Variants in KLHL29 observed in about 807,000 individuals in gnomAD.
KLHL29 encodes the protein kelch like family member 29.
Under a neutral mutation model 80.4 loss-of-function variants are expected in KLHL29, and 21 were observed. That is an observed-to-expected ratio of 0.26 (90% CI 0.19 to 0.38). KLHL29 has a LOEUF of 0.38. KLHL29 is among the 10% of genes least tolerant of loss of function. KLHL29 has a pLI of 1.00. For missense variants in KLHL29, 867 were observed against 1,223.9 expected (o/e 0.71, Z 4.35); for synonymous variants, 511 against 526.8 (o/e 0.97, Z 0.41).
At chr2:23,455,092 A>T (rs192829537) in intron 1 of KLHL29, among the ~76,000 whole-genome samples, 1 of 152,068 alleles carries the variant, frequency 6.6e-6, no homozygotes, top group East Asian at 1.9e-4. Flanking sequence ...ATTAAATAAG[A>T]TCACCCTTTG....
chr2:23,631,917 G>A (rs945949553), intron 3 of KLHL29, among the ~76,000 whole-genome samples: 20 of 151,898 alleles, frequency 1.3e-4, no homozygotes, highest in Non-Finnish European at 2.5e-4. Flanking sequence ...CAGTCCCCAC[G>A]CACAGGCCCA....
intron 1 of KLHL29, among the ~76,000 whole-genome samples, chr2:23,387,009 G>A (rs1435562284): frequency 6.6e-6 from 1 of 152,178 alleles, no homozygotes; most frequent in East Asian, 1.9e-4. Flanking sequence ...CCTCGCGCGG[G>A]CCCCCAGAGA....
intron 8 of KLHL29, among the ~76,000 whole-genome samples, chr2:23,694,883 A>G (rs1012856028): frequency 2.0e-5 from 3 of 152,090 alleles, no homozygotes; most frequent in East Asian, 1.9e-4. Context: ...TGAATTTTTC[A>G]TAGCAGATCC....
Position 23,706,583 on chromosome 2 carries a change from A to G in KLHL29, c.2547A>G (p.Thr849=), listed in dbSNP as rs1298238235. Residue 849 remains threonine, a synonymous_variant, in exon 14 of 14, where the codon ACA becomes ACG. Transcript: ENST00000486442. ...NMEAYEPTTN[T]WTLLPHMPCP... is the part of the protein sequence containing the mutation. ...AGGCCTACGAGCCCACAACCAACACATGGACCCTCCTCCCCCACATGCCCT... is the reference window on the plus strand; with the variant it reads ...AGGCCTACGAGCCCACAACCAACACGTGGACCCTCCTCCCCCACATGCCCT... The G allele has an allele frequency of 1.3e-6, 2 of 1,537,150 alleles. No homozygotes were observed. Among genetic ancestry groups the G allele is most frequent in the Non-Finnish European group, 8.7e-7 (1 of 1,146,838 alleles).
rs1164075132 is a variant in KLHL29, at chr2:23,461,975, C to CTTTTTTTTTTTTTTTT, written c.-153-13585_-153-13584insTTTTTTTTTTTTTTTT. Among the ~76,000 whole-genome samples the CTTTTTTTTTTTTTTTT allele has an allele frequency of 7.5e-5, 6 of 79,542 alleles. 2 individuals are homozygous for CTTTTTTTTTTTTTTTT. Among genetic ancestry groups the CTTTTTTTTTTTTTTTT allele is most frequent in the African/African-American group, 1.3e-4 (3 of 23,104 alleles). The allele number at this position is 79,542 out of a possible 152,430, so 52.2% of individuals were successfully genotyped here. A position where few individuals can be genotyped will look rare whatever the true frequency, so the allele number is the denominator to read the frequency against. ...GTGCAAAAGTAATTGCGGTTTTTGC[C>CTTTTTTTTTTTTTTTT]ATTTTTTTTTTTTTAATGACAAAAA... On this transcript the variant is annotated intron_variant, in intron 1 of 13. Transcript: ENST00000486442.
chr2:23,489,280 G>A (rs888037788), intron 2 of KLHL29, among the ~76,000 whole-genome samples: 1 of 152,086 alleles, frequency 6.6e-6, no homozygotes, highest in Non-Finnish European at 1.5e-5. Context: ...AGCCTGGTTG[G>A]TCCTTCTACA....
chr2:23,392,725 T>C (rs1050937144), intron 1 of KLHL29, among the ~76,000 whole-genome samples: 2 of 152,192 alleles, frequency 1.3e-5, no homozygotes, highest in African/African-American at 4.8e-5. Context: ...CTGTCTGTGT[T>C]TTCCTTTCTG....
At chr2:23,545,451 C>T (rs1384841832) in intron 2 of KLHL29, among the ~76,000 whole-genome samples, 1 of 152,194 alleles carries the variant, frequency 6.6e-6, no homozygotes, top group African/African-American at 2.4e-5. Flanking sequence ...TCCCTGCTTC[C>T]CCTTTCTGCT....
chr2:23,538,713 C>T (rs1666748233), intron 2 of KLHL29, among the ~76,000 whole-genome samples: 1 of 152,212 alleles, frequency 6.6e-6, no homozygotes, highest in Non-Finnish European at 1.5e-5. Flanking sequence ...TGATCTATTT[C>T]AGAATAAGAG....
chr2:23,573,300 T>C (rs933626885), intron 3 of KLHL29, among the ~76,000 whole-genome samples: 2 of 152,256 alleles, frequency 1.3e-5, no homozygotes, highest in African/African-American at 4.8e-5. Context: ...AAGGCACTCA[T>C]CTAGTAATTA....
chr2:23,626,850 TAGGC>T (rs958864516), intron 3 of KLHL29, among the ~76,000 whole-genome samples: 2 of 152,194 alleles, frequency 1.3e-5, no homozygotes, highest in African/African-American at 4.8e-5. Context: ...AACCTTGGCC[TAGGC>T]AGTCTGGGTT....
intron 5 of KLHL29, among the ~76,000 whole-genome samples, chr2:23,659,559 C>T (rs1299442955): frequency 6.6e-6 from 1 of 152,152 alleles, no homozygotes; most frequent in Non-Finnish European, 1.5e-5. Context: ...GCGTGTCCAG[C>T]GTGAGGACAG....
rs112367506 is a variant in KLHL29 at position 23,458,115 on chromosome 2, G to A, written c.-153-17445G>A. ...AACAGTGCTATAGGCGTCAGTGCAC[G>A]TCTGCAGGTGGCCGGCGTTGCCCCA... On this transcript the variant is annotated intron_variant, in intron 1 of 13. Transcript: ENST00000486442. 2.5e-3 allele frequency among the ~76,000 whole-genome samples: 378 copies of A among 152,358 alleles called. 4 individuals carry two copies. Among genetic ancestry groups the A allele is most frequent in the African/African-American group, 4.2e-3 (175 of 41,582 alleles).
chr2:23,462,550 T>C (rs1372938071), intron 1 of KLHL29, among the ~76,000 whole-genome samples: 1 of 152,188 alleles, frequency 6.6e-6, no homozygotes, highest in Non-Finnish European at 1.5e-5. Flanking sequence ...GGGCTTCCGT[T>C]TTCTCATCTG....
chr2:23,616,790 A>G (rs1669018814), intron 3 of KLHL29: 2 of 152,152 alleles, frequency 1.3e-5, no homozygotes, highest in Non-Finnish European at 2.9e-5. Flanking sequence ...TGTCTGCACC[A>G]AGTCTGTGTG....
chr2:23,660,428 A>ACCCC (rs1670372963), intron 5 of KLHL29, among the ~76,000 whole-genome samples: 1 of 152,010 alleles, frequency 6.6e-6, no homozygotes, highest in Admixed American at 6.6e-5. Flanking sequence ...CCATCCCTGG[A>ACCCC]CCCCCTGCAG....
At chr2:23,646,748 G>A (rs1669945630) in intron 5 of KLHL29, among the ~76,000 whole-genome samples, 1 of 152,166 alleles carries the variant, frequency 6.6e-6, no homozygotes, top group African/African-American at 2.4e-5. Flanking sequence ...ATTCATCCCT[G>A]TCTTCACAAG....
Position 23,695,841 on chromosome 2 carries a change from G to C in KLHL29, c.1741+20G>C. On this transcript the variant is annotated intron_variant, in intron 9 of 13. Transcript: ENST00000486442. This position sits in a 1 kb window ranked among gnomAD's most constrained non-coding sequence, Gnocchi z 7.6. ...CTGCAGGTATGAAGGGGCACGCCCC[G>C]AACCTCCCAAGAAGCAGTGTCTTGG... The C allele has an allele frequency of 6.5e-7, 1 of 1,542,154 alleles. No individual in the cohort carries two copies. The highest frequency in any genetic ancestry group is 1.2e-5 in the South Asian group (1 of 82,584).
intron 1 of KLHL29, among the ~76,000 whole-genome samples, chr2:23,447,007 C>G (rs1430297374): frequency 6.6e-6 from 1 of 152,216 alleles, no homozygotes; most frequent in Non-Finnish European, 1.5e-5. Flanking sequence ...AAGCAGCTTT[C>G]ATCCTTTAAA....
Sources: allele counts gnomAD v4.1 joint callset (sites outside exome capture counted in the v4.1 genomes callset), GRCh38; gene constraint gnomAD v4.1.1; non-coding constraint Gnocchi (gnomAD v3.1); transcripts MANE v1.5; gene names NCBI Gene and HGNC (gene_info 2026-07-23, HGNC 2026-07-21).